The following MACROD2 variants were observed in gnomAD, a reference collection of about 807,000 sequenced individuals.
MACROD2 encodes the protein mono-ADP ribosylhydrolase 2.
In MACROD2, 36 loss-of-function variants were observed where a neutral mutation model predicts 70.4. That is an observed-to-expected ratio of 0.51 (90% CI 0.39 to 0.68). The LOEUF (loss-of-function observed/expected upper bound fraction) is 0.68, where lower values mean the gene tolerates loss of function less well. Ranked by LOEUF, MACROD2 falls within the 30% of genes least tolerant of loss-of-function variation. The pLI, the probability that MACROD2 is intolerant of heterozygous loss-of-function variation, is 0.00. For missense variants in MACROD2, 496 were observed against 538.4 expected, an observed-to-expected ratio of 0.92 and a Z score of 0.78; for synonymous variants, 172 against 178.8, an observed-to-expected ratio of 0.96 and a Z score of 0.30.
chr20:15,696,151 C>T (rs2050366998), intron 8 of MACROD2, among the ~76,000 whole-genome samples: 1 of 152,108 alleles, frequency 6.6e-6, no homozygotes, highest in African/African-American at 2.4e-5. Flanking sequence ...TCAACTTTTC[C>T]CCATTCAGTA....
rs117439213 is a variant in MACROD2 at position 14,428,108 on chromosome 20, T to C, written c.272-65371T>C. Among the ~76,000 whole-genome samples the C allele has an allele frequency of 7.2e-3, 1,093 of 152,216 alleles. 6 individuals carry two copies. The highest frequency in any genetic ancestry group is 0.01 in the Middle Eastern group (3 of 294). ...ATCTCAAATGTAATTTAGCAGAAAA[T>C]ATTAAATAGCCATTTTGTAAACTGA... On this transcript the variant is annotated intron_variant, in intron 3 of 17. Coordinates refer to ENST00000684519, the MANE Select transcript of MACROD2 (RefSeq NM_001351661.2).
intron 12 of MACROD2, among the ~76,000 whole-genome samples, chr20:15,940,152 G>A (rs1364359387): frequency 6.6e-6 from 1 of 152,104 alleles, no homozygotes; most frequent in Non-Finnish European, 1.5e-5. Context: ...GGAGTGCAAT[G>A]GTGCGATCTT....
intron 5 of MACROD2, among the ~76,000 whole-genome samples, chr20:14,903,644 G>A (rs1167038809): frequency 6.6e-6 from 1 of 152,072 alleles, no homozygotes; most frequent in Non-Finnish European, 1.5e-5. Context: ...ACAGGTTGCA[G>A]TATTCATTAG....
At chr20:14,239,213 G>T (rs2081907444) in intron 3 of MACROD2, among the ~76,000 whole-genome samples, 2 of 152,068 alleles carry the variant, frequency 1.3e-5, no homozygotes, top group Non-Finnish European at 2.9e-5. Context: ...ACTGCTGAAA[G>T]AAATCAGAGA....
chr20:14,198,134 G>T (rs985900473), intron 3 of MACROD2, among the ~76,000 whole-genome samples: 1 of 151,978 alleles, frequency 6.6e-6, no homozygotes, highest in Non-Finnish European at 1.5e-5. Context: ...TTGTGTGTGC[G>T]TGAGAGAGAG....
chr20:14,054,903 A>G (rs185023373), intron 2 of MACROD2, among the ~76,000 whole-genome samples: 19 of 152,320 alleles, frequency 1.2e-4, no homozygotes, highest in African/African-American at 4.6e-4. Flanking sequence ...GCACTTTCTC[A>G]AAGTTCAGGT....
intron 6 of MACROD2, among the ~76,000 whole-genome samples, chr20:15,262,205 C>A (rs908717360): frequency 2.0e-5 from 3 of 151,818 alleles, no homozygotes; most frequent in African/African-American, 7.3e-5. Context: ...TTACACCTAC[C>A]CTTCCTAGCC....
Position 15,322,403 on chromosome 20 carries a change from A to G in MACROD2, c.540+92342A>G, listed in dbSNP as rs2077883078. ...GTGATTCACAAAAATGGAGCCACAA[A>G]TAATAAAAAATCATTTGTGCTGACC... On this transcript the variant is annotated intron_variant, in intron 6 of 17. Transcript: ENST00000684519. Among the ~76,000 whole-genome samples, 3 of 143,748 alleles carry G rather than the reference A, an allele frequency of 2.1e-5. 1 individual carries two copies. The highest frequency in any genetic ancestry group is 7.5e-5 in the African/African-American group (3 of 40,190). 94.3% of individuals were successfully genotyped at this position (143,748 alleles called of 152,430 possible). A position where few individuals can be genotyped will look rare whatever the true frequency, so the allele number is the denominator to read the frequency against.
At chr20:14,451,362 T>C (rs1175366249) in intron 3 of MACROD2, among the ~76,000 whole-genome samples, 1 of 152,084 alleles carries the variant, frequency 6.6e-6, no homozygotes, top group Non-Finnish European at 1.5e-5. Context: ...CACAGGAGAA[T>C]TGCTTGAACC....
chr20:14,951,877 G>A (rs2074478762), intron 5 of MACROD2, among the ~76,000 whole-genome samples: 1 of 150,876 alleles, frequency 6.6e-6, no homozygotes, highest in South Asian at 2.1e-4. Flanking sequence ...CATGACAGAG[G>A]ATAAAGTGTC....
chr20:14,250,906 A>AT (rs979885385), intron 3 of MACROD2, among the ~76,000 whole-genome samples: 24 of 151,792 alleles, frequency 1.6e-4, no homozygotes, highest in East Asian at 1.3e-3. Context: ...CTATTTAAAG[A>AT]TTTTTTTTTG....
intron 7 of MACROD2, among the ~76,000 whole-genome samples, chr20:15,470,956 C>T (rs2046956933): frequency 6.6e-6 from 1 of 152,162 alleles, no homozygotes; most frequent in South Asian, 2.1e-4. Context: ...GCTTCCTGGT[C>T]TCCCAACTCA....
At chr20:14,461,213 A>G (rs1167171675) in intron 3 of MACROD2, among the ~76,000 whole-genome samples, 1 of 152,046 alleles carries the variant, frequency 6.6e-6, no homozygotes, top group Non-Finnish European at 1.5e-5. Flanking sequence ...TTATTTGCAT[A>G]GAGGTATTTA....
rs533017073 is a variant in MACROD2 at position 14,875,831 on chromosome 20, G to T, written c.418+190872G>T. ...GGATATAATTTTATTCTTTTTCATGGAGGTATAGTATTCCATGATGTATAT... is the reference window on the plus strand; with the variant it reads ...GGATATAATTTTATTCTTTTTCATGTAGGTATAGTATTCCATGATGTATAT... On this transcript the variant is annotated intron_variant, in intron 5 of 17. Transcript: ENST00000684519. 1.2e-4 allele frequency among the ~76,000 whole-genome samples: 18 copies of T among 152,156 alleles called. No individual in the cohort carries two copies. The South Asian group carries it at 1.5e-3, about 12-fold the overall frequency.
At chr20:14,705,567 A>G (rs1282857578) in intron 5 of MACROD2, among the ~76,000 whole-genome samples, 7 of 152,176 alleles carry the variant, frequency 4.6e-5, no homozygotes, top group Admixed American at 4.6e-4. Flanking sequence ...CCTGAAAATC[A>G]GAAGGTTGCA....
chr20:16,014,646 G>A lies in MACROD2; in HGVS notation c.1154-26555G>A, dbSNP rs186166455. On this transcript the variant is annotated intron_variant, in intron 15 of 17. Transcript: ENST00000684519. ...ACAGGACAGCAAATTAAATATCCAC[G>A]GGCCATGTCCCCTTCCTGTCCCTGG... is the stretch of plus-strand genomic sequence containing the variant. Among the ~76,000 whole-genome samples, 384 of 152,240 alleles carry A rather than the reference G, an allele frequency of 2.5e-3. 1 individual carries two copies. The highest frequency in any genetic ancestry group is 0.024 in the Middle Eastern group (7 of 294).
rs762538763 is a variant in MACROD2, at chr20:15,254,929, CTTT to C, written c.540+24891_540+24893del. 3.3e-3 allele frequency among the ~76,000 whole-genome samples: 268 copies of C among 80,526 alleles called. 4 individuals are homozygous for C. Among genetic ancestry groups the C allele is most frequent in the African/African-American group, 0.012 (247 of 20,948 alleles). The allele number at this position is 80,526 out of a possible 152,430, so 52.8% of individuals were successfully genotyped here. On this transcript the variant is annotated intron_variant, in intron 6 of 17. Coordinates refer to ENST00000684519, the MANE Select transcript of MACROD2 (RefSeq NM_001351661.2). ...TAAACCATTTGGGGCCAAAGCACACCTTTTTTTTTTTTTTTTTTTTTTTTTCAG... is the reference window on the plus strand; with the variant it reads ...TAAACCATTTGGGGCCAAAGCACACCTTTTTTTTTTTTTTTTTTTTTTCAG...
intron 3 of MACROD2, among the ~76,000 whole-genome samples, chr20:14,141,159 G>A (rs1416237442): frequency 6.6e-6 from 1 of 152,094 alleles, no homozygotes; most frequent in Non-Finnish European, 1.5e-5. Flanking sequence ...TAGTCATTTG[G>A]AACAGAGAGG....
At chr20:14,119,077 A>C (rs921575498) in intron 3 of MACROD2, among the ~76,000 whole-genome samples, 2 of 149,210 alleles carry the variant, frequency 1.3e-5, no homozygotes, top group Non-Finnish European at 3.0e-5. Context: ...CGAACTCCTG[A>C]CCTCAAGTGA....
Sources: allele counts gnomAD v4.1 joint callset (sites outside exome capture counted in the v4.1 genomes callset), GRCh38; gene constraint gnomAD v4.1.1; transcripts MANE v1.5; gene names NCBI Gene and HGNC (gene_info 2026-07-23, HGNC 2026-07-21).